Variants in SERINC2 observed in about 807,000 individuals in gnomAD.
The protein encoded by SERINC2 is serine incorporator 2.
Under a neutral mutation model 54.2 loss-of-function variants are expected in SERINC2, and 56 were observed. That is an observed-to-expected ratio of 1.03 (90% CI 0.83 to 1.29). SERINC2 has a LOEUF of 1.29. Among genes scored for constraint, SERINC2 ranks in the 50% most tolerant of loss-of-function variants. The pLI is 0.00. For synonymous variants in SERINC2, 272 were observed against 253.1 expected (o/e 1.07, Z -0.71); for missense variants, 614 against 607.4 (o/e 1.01, Z -0.12).
chr1:31,422,028 G>A (rs948487541), intron 1 of SERINC2, among the ~76,000 whole-genome samples: 1 of 152,160 alleles, frequency 6.6e-6, no homozygotes, highest in South Asian at 2.1e-4. Context: ...GCCAGGTGCA[G>A]TGGCTCACGC....
chr1:31,432,207 G>T (rs1266049872), intron 8 of SERINC2, among the ~76,000 whole-genome samples: 1 of 149,252 alleles, frequency 6.7e-6, no homozygotes, highest in African/African-American at 2.5e-5. Flanking sequence ...TGGAGAGAGT[G>T]GACAGGGTGG....
chr1:31,433,232 A>C (rs368854873), intron 9 of SERINC2, 47 bp downstream of exon 9: 1 of 1,489,910 alleles, frequency 6.7e-7, no homozygotes, highest in Non-Finnish European at 9.3e-7. Context: ...TGCAGGGTGC[A>C]GGTCCACACA....
chr1:31,413,074 T>G, upstream of SERINC2: 1 of 914,778 alleles, frequency 1.1e-6, no homozygotes, highest in Non-Finnish European at 1.3e-6. This position sits in a 1 kb window ranked among gnomAD's most constrained non-coding sequence, Gnocchi z 5.0. Context: ...TTCCCTAGGG[T>G]CCCTCCTGGC....
Position 31,425,322 on chromosome 1 carries a change from T to A in SERINC2, c.393-8T>A. ...GCTTCCTTGTCCATTCCCCGACCCC[T>A]TCTGTAGGTTTTGGTTCTTTAAGTT... is the stretch of plus-strand genomic sequence containing the variant. On this transcript the variant is annotated splice_polypyrimidine_tract_variant and splice_region_variant and intron_variant, in intron 3 of 9. Coordinates refer to ENST00000373709, the MANE Select transcript of SERINC2 (RefSeq NM_178865.5). 1 of 1,606,604 alleles carries A rather than the reference T, an allele frequency of 6.2e-7. No homozygotes were observed. Among genetic ancestry groups the A allele is most frequent in the Non-Finnish European group, 8.5e-7 (1 of 1,172,944 alleles).
intron 1 of SERINC2, 110 bp from the exon 2 acceptor site, chr1:31,423,583 G>A: frequency 8.8e-7 from 1 of 1,142,384 alleles, no homozygotes; most frequent in Non-Finnish European, 1.2e-6. Context: ...CTGGGGAACA[G>A]TGTGCTCCTG....
In SERINC2 at chr1:31,434,214, C is replaced by T. The variant is rs782098285; in HGVS notation, c.*15C>T. On this transcript the variant is annotated 3_prime_UTR_variant, in exon 10 of 10. Coordinates refer to ENST00000373709, the MANE Select transcript of SERINC2 (RefSeq NM_178865.5). ...ACTTCAGCTGAGGCAGCCTCACAGC[C>T]TGCCATCTGGTGCCTCCTGCCACCT... is the stretch of plus-strand genomic sequence containing the variant. 7 of 1,609,244 alleles carry T rather than the reference C, an allele frequency of 4.3e-6. No homozygotes were observed. The South Asian group carries it at 4.4e-5, about 10-fold the overall frequency.
chr1:31,413,338 C>A lies in SERINC2; in HGVS notation c.39+34C>A. ...CGACCCCGGCGCCCGCCCGCGCGCG[C>A]CGCCCGTTCCTGCTGCGGGCCCTCA... On this transcript the variant is annotated intron_variant, in intron 1 of 9. Coordinates refer to ENST00000373709, the MANE Select transcript of SERINC2 (RefSeq NM_178865.5). This position sits in a 1 kb window ranked among gnomAD's most constrained non-coding sequence, Gnocchi z 5.0. 8.5e-7 allele frequency: 1 copy of A among 1,170,182 alleles called. No individual in the cohort carries two copies. Among genetic ancestry groups the A allele is most frequent in the Non-Finnish European group, 1.1e-6 (1 of 926,242 alleles). 72.5% of individuals were successfully genotyped at this position (1,170,182 alleles called of 1,614,324 possible).
At chr1:31,430,499 A>T (rs530252434) in intron 8 of SERINC2, among the ~76,000 whole-genome samples, 13 of 137,846 alleles carry the variant, frequency 9.4e-5, no homozygotes, top group Admixed American at 7.9e-4. Flanking sequence ...TGGTGTCTCT[A>T]AAAAAAAAAA....
At chr1:31,430,631 G>T (rs1331736325) in intron 8 of SERINC2, among the ~76,000 whole-genome samples, 1 of 152,176 alleles carries the variant, frequency 6.6e-6, no homozygotes, top group Admixed American at 6.5e-5. Flanking sequence ...ATATTATTGT[G>T]AACATTTGCA....
Position 31,426,026 on chromosome 1 carries a change from G to T in SERINC2, c.610+113G>T. 3 of 1,133,722 alleles carry T rather than the reference G, an allele frequency of 2.6e-6. No individual in the cohort carries two copies. The East Asian group carries it at 7.8e-5, about 30-fold the overall frequency. The allele number at this position is 1,133,722 out of a possible 1,614,324, so 70.2% of individuals were successfully genotyped here. On this transcript the variant is annotated intron_variant, in intron 5 of 9. Transcript: ENST00000373709. ...ATAAAACTGGGGGGCATCCCTAGCA[G>T]CCACTGCCTTAGGTCAAGATTCCAA...
rs565017389 is a variant in SERINC2 at position 31,422,917 on chromosome 1, C to G, written c.40-776C>G. Among the ~76,000 whole-genome samples, 4 of 152,324 alleles carry G rather than the reference C, an allele frequency of 2.6e-5. No individual in the cohort carries two copies. In the South Asian group the frequency reaches 8.3e-4, roughly 32 times the overall value. On this transcript the variant is annotated intron_variant, in intron 1 of 9. Transcript: ENST00000373709. Reference sequence around the variant, plus strand: ...GAGAGGGAAAGGGTTAGACCGCCACCTGCTGTCTAGTGCTGGTATAGCCTC... The same window carrying G: ...GAGAGGGAAAGGGTTAGACCGCCACGTGCTGTCTAGTGCTGGTATAGCCTC...
intron 6 of SERINC2, among the ~76,000 whole-genome samples, chr1:31,428,607 CAGAG>C (rs1641106632): frequency 6.6e-6 from 1 of 152,048 alleles, no homozygotes; most frequent in South Asian, 2.1e-4. Flanking sequence ...AGGAACTTGT[CAGAG>C]GGAGGGCACA....
intron 8 of SERINC2, among the ~76,000 whole-genome samples, chr1:31,431,093 C>A (rs1339785643): frequency 1.3e-5 from 2 of 151,738 alleles, no homozygotes; most frequent in African/African-American, 4.8e-5. Flanking sequence ...GTGTCCTCTC[C>A]TCTCCCCTCC....
At chr1:31,425,515 G>C in intron 4 of SERINC2, 106 bp downstream of exon 4, 2 of 968,420 alleles carry the variant, frequency 2.1e-6, no homozygotes, top group South Asian at 2.6e-5. Flanking sequence ...ACAGACCCCT[G>C]GCTGCTGGCT....
chr1:31,425,523 G>A, intron 4 of SERINC2, 114 bp downstream of exon 4: 1 of 941,372 alleles, frequency 1.1e-6, no homozygotes. Flanking sequence ...CTGGCTGCTG[G>A]CTAGGTCCTC....
intron 8 of SERINC2, among the ~76,000 whole-genome samples, chr1:31,431,592 G>A (rs1338248736): frequency 2.0e-5 from 3 of 152,166 alleles, no homozygotes; most frequent in Non-Finnish European, 4.4e-5. Context: ...CACACCCACA[G>A]CTCCCTGGCA....
At position 31,433,028 on chromosome 1, in the gene SERINC2, A is replaced by G. The variant is rs782033786; in HGVS notation, c.1075A>G (p.Met359Val). Residue 359 changes from methionine (M) to valine (V), a missense_variant, in exon 9 of 10, where the codon ATG becomes GTG. By Grantham distance (21) the Met-to-Val change is conservative (BLOSUM62 1). Coordinates refer to ENST00000373709, the MANE Select transcript of SERINC2 (RefSeq NM_178865.5). The part of the protein sequence containing the change: ...SLMQTEECPP[M>V]LDATQQQQQV... ...GATGCAGACCGAGGAGTGCCCACCTATGCTAGACGCCACACAGCAGCAGCA... is the reference window on the plus strand; with the variant it reads ...GATGCAGACCGAGGAGTGCCCACCTGTGCTAGACGCCACACAGCAGCAGCA... 1.3e-6 allele frequency: 2 copies of G among 1,576,872 alleles called. No individual in the cohort carries two copies. The highest frequency in any genetic ancestry group is 3.2e-5 in the African/African-American group (2 of 63,054).
upstream of SERINC2, chr1:31,413,181 C>T (rs1640685629): frequency 2.0e-6 from 2 of 1,003,106 alleles, no homozygotes. The surrounding 1 kb of genome is among the most constrained non-coding windows in gnomAD (Gnocchi z 5.0). Context: ...GGGCCGGGGC[C>T]GGGGAGGGGC....
intron 8 of SERINC2, among the ~76,000 whole-genome samples, chr1:31,432,140 GGGTGGACAGGGTGGACAGGGTGGAT>G (rs1557501521): frequency 5.0e-5 from 7 of 140,576 alleles, no homozygotes; most frequent in African/African-American, 1.7e-4. Flanking sequence ...AGGGTGGACA[GGGTGGACAGGGTGGACAGGGTGGAT>G]AGGGTGGATA....
Sources: allele counts gnomAD v4.1 joint callset (sites outside exome capture counted in the v4.1 genomes callset), GRCh38; gene constraint gnomAD v4.1.1; non-coding constraint Gnocchi (gnomAD v3.1); transcripts MANE v1.5; gene names NCBI Gene and HGNC (gene_info 2026-07-23, HGNC 2026-07-21).